Variants in EFCAB5 observed in about 807,000 individuals in gnomAD.
EFCAB5 encodes EF-hand calcium-binding domain-containing protein 5.
Under a neutral mutation model 167.9 loss-of-function variants are expected in EFCAB5, and 131 were observed. The ratio of observed to expected loss-of-function variants is 0.78; its 90% CI spans 0.68 to 0.90. The LOEUF is 0.90. Ranked by LOEUF, EFCAB5 falls within the 40% of genes least tolerant of loss-of-function variation. The pLI, the probability that EFCAB5 is intolerant of heterozygous loss-of-function variation, is 0.00. For synonymous variants in EFCAB5, 574 were observed against 602.8 expected (o/e 0.95, Z 0.70); for missense variants, 1,663 against 1,745.2 (o/e 0.95, Z 0.84).
chr17:30,070,253 T>A (rs2151817711), intron 14 of EFCAB5, among the ~76,000 whole-genome samples: 1 of 150,644 alleles, frequency 6.6e-6, no homozygotes, highest in African/African-American at 2.4e-5. Context: ...AAAAAGAAAA[T>A]GAAAAATGAC....
In EFCAB5 at chr17:30,055,131, CA is replaced by C. The variant is rs778204078; in HGVS notation, c.2195-746del. 2.5e-4 allele frequency among the ~76,000 whole-genome samples: 36 copies of C among 145,574 alleles called. 1 individual carries two copies. Among genetic ancestry groups the C allele is most frequent in the Non-Finnish European group, 4.4e-4 (29 of 65,898 alleles). On this transcript the variant is annotated intron_variant, in intron 10 of 22. Transcript: ENST00000394835. ...TGAGCAACATGGCGAAACGCCATCT[CA>C]AAAAAAAAAATTAGCTGGCCATGGT...
At chr17:29,945,061 CA>C (rs1412995553) in intron 3 of EFCAB5, among the ~76,000 whole-genome samples, 1 of 151,946 alleles carries the variant, frequency 6.6e-6, no homozygotes, top group Admixed American at 6.6e-5. Flanking sequence ...AAAAAGTCTT[CA>C]AAAAAGTAGA....
intron 4 of EFCAB5, among the ~76,000 whole-genome samples, chr17:29,992,321 A>C (rs2068438497): frequency 6.6e-6 from 1 of 152,008 alleles, no homozygotes; most frequent in Admixed American, 6.5e-5. Context: ...TTTCTTTTTA[A>C]AGGCTGTATA....
intron 7 of EFCAB5, among the ~76,000 whole-genome samples, chr17:30,007,030 A>G (rs1324661113): frequency 6.6e-6 from 1 of 152,228 alleles, no homozygotes; most frequent in Non-Finnish European, 1.5e-5. Flanking sequence ...AATTTTTTCA[A>G]GAATGTATAT....
chr17:29,994,789 T>G (rs1171793831), intron 5 of EFCAB5, among the ~76,000 whole-genome samples: 1 of 152,138 alleles, frequency 6.6e-6, no homozygotes, highest in East Asian at 1.9e-4. Flanking sequence ...TTGCCATTAC[T>G]TTTTAAATGG....
At chr17:29,972,300 C>T (rs762318369) in intron 4 of EFCAB5, among the ~76,000 whole-genome samples, 1 of 151,390 alleles carries the variant, frequency 6.6e-6, no homozygotes, top group Admixed American at 6.6e-5. Context: ...CCGCCCGCCT[C>T]GGCTTCCCAA....
At chr17:29,965,125 G>T (rs751921853) in intron 3 of EFCAB5, among the ~76,000 whole-genome samples, 2 of 151,370 alleles carry the variant, frequency 1.3e-5, no homozygotes, top group African/African-American at 4.9e-5. Flanking sequence ...GTATGGTCTC[G>T]GTCTCCTGAC....
intron 14 of EFCAB5, among the ~76,000 whole-genome samples, chr17:30,070,621 A>G (rs1040484255): frequency 6.6e-6 from 1 of 152,172 alleles, no homozygotes; most frequent in Non-Finnish European, 1.5e-5. Flanking sequence ...TGCTGGGGAA[A>G]TTGGATGTTC....
At chr17:29,931,686 A>G (rs1220542728) in intron 1 of EFCAB5, among the ~76,000 whole-genome samples, 2 of 152,242 alleles carry the variant, frequency 1.3e-5, no homozygotes, top group African/African-American at 4.8e-5. Context: ...GAACCAATGC[A>G]TGGGAGACCA....
At chr17:30,018,663 T>C (rs1192414486) in intron 7 of EFCAB5, among the ~76,000 whole-genome samples, 2 of 152,198 alleles carry the variant, frequency 1.3e-5, no homozygotes, top group African/African-American at 4.8e-5. Context: ...TTCCATTTTA[T>C]GATGCTTGCG....
chr17:30,069,248 TTGAC>T, intron 14 of EFCAB5: 1 of 1,535,488 alleles, frequency 6.5e-7, no homozygotes, highest in Non-Finnish European at 9.0e-7. Context: ...AGAAAAGATT[TTGAC>T]TGAAAGACAA....
rs1005810223 is a variant in EFCAB5 at position 29,959,221 on chromosome 17, T to C, written c.191-9570T>C. Among the ~76,000 whole-genome samples, 19 of 152,082 alleles carry C rather than the reference T, an allele frequency of 1.2e-4. 1 individual carries two copies. The highest frequency in any genetic ancestry group is 9.8e-4 in the Admixed American group (15 of 15,262). On this transcript the variant is annotated intron_variant, in intron 3 of 22. Transcript: ENST00000394835. Reference sequence around the variant, plus strand: ...CAGCTAGTAAATTCAGCCTGTGTCTTTCCCTTCAGGGCAACGAGTTCCTTT... The same window carrying C: ...CAGCTAGTAAATTCAGCCTGTGTCTCTCCCTTCAGGGCAACGAGTTCCTTT...
At chr17:30,055,860 C>A in intron 10 of EFCAB5, 28 bp from the exon 11 acceptor site, 15 of 1,604,216 alleles carry the variant, frequency 9.4e-6, no homozygotes, top group Non-Finnish European at 1.3e-5. Context: ...ATGTCTAATT[C>A]ATAAGCATTT....
chr17:30,048,925 A>G (rs2070004573), intron 8 of EFCAB5, among the ~76,000 whole-genome samples: 1 of 152,180 alleles, frequency 6.6e-6, no homozygotes, highest in Admixed American at 6.6e-5. Flanking sequence ...TCTCTAGAGA[A>G]GTTTACAAGG....
chr17:30,076,645 A>C (rs978604191), intron 14 of EFCAB5, among the ~76,000 whole-genome samples: 50 of 152,204 alleles, frequency 3.3e-4, no homozygotes, highest in South Asian at 8.3e-4. Flanking sequence ...TTCTTGAGGG[A>C]GGAGGAACTT....
At chr17:30,019,905 C>A (rs1040898428) in intron 7 of EFCAB5, among the ~76,000 whole-genome samples, 2 of 151,954 alleles carry the variant, frequency 1.3e-5, no homozygotes, top group Non-Finnish European at 2.9e-5. Flanking sequence ...AATTATAATA[C>A]GTGTATTTAT....
intron 7 of EFCAB5, among the ~76,000 whole-genome samples, chr17:30,014,099 G>A (rs140941893): frequency 0.012 from 1,782 of 152,224 alleles, 34 homozygotes; most frequent in African/African-American, 0.04. Context: ...CAGTTTCCAC[G>A]TAGTTGTGTG....
chr17:29,951,950 C>T (rs961820308), intron 3 of EFCAB5, among the ~76,000 whole-genome samples: 1 of 152,178 alleles, frequency 6.6e-6, no homozygotes, highest in African/African-American at 2.4e-5. Flanking sequence ...AATGCACATA[C>T]TTATGACCCT....
chr17:29,954,043 A>G (rs1019641409), intron 3 of EFCAB5, among the ~76,000 whole-genome samples: 8 of 152,266 alleles, frequency 5.3e-5, no homozygotes, highest in African/African-American at 1.7e-4. Context: ...ATCTGGGGGA[A>G]GAAATTTCTA....
Sources: allele counts gnomAD v4.1 joint callset (sites outside exome capture counted in the v4.1 genomes callset), GRCh38; gene constraint gnomAD v4.1.1; transcripts MANE v1.5; gene names NCBI Gene and HGNC (gene_info 2026-07-23, HGNC 2026-07-21).